Variants in PHAX observed in about 807,000 individuals in gnomAD.
PHAX encodes phosphorylated adapter RNA export protein.
PHAX carries 31 observed loss-of-function variants against 41.6 expected under a neutral mutation model. The ratio of observed to expected loss-of-function variants is 0.75; its 90% CI spans 0.56 to 1.01. The LOEUF (loss-of-function observed/expected upper bound fraction) is 1.01, where lower values mean the gene tolerates loss of function less well. PHAX is among the 50% of genes least tolerant of loss of function. The probability of loss-of-function intolerance (pLI) is 0.00; values close to 1 mark genes in which losing one functional copy is unlikely to be tolerated. For synonymous variants in PHAX, 175 were observed against 164.9 expected, an observed-to-expected ratio of 1.06 and a Z score of -0.47; for missense variants, 453 against 472.9, an observed-to-expected ratio of 0.96 and a Z score of 0.39.
chr5:126,608,544 TACAAATTTAAC>T, intron 3 of PHAX, 60 bp downstream of exon 3: 1 of 1,440,884 alleles, frequency 6.9e-7, no homozygotes. Flanking sequence ...TGTTTTTGAT[TACAAATTTAAC>T]TTTGCCCTTG....
intron 2 of PHAX, among the ~76,000 whole-genome samples, chr5:126,607,068 A>T (rs1752001124): frequency 6.6e-6 from 1 of 152,224 alleles, no homozygotes; most frequent in Non-Finnish European, 1.5e-5. Context: ...CATTTTCATT[A>T]GCTCTAAATT....
chr5:126,619,957 G>A (rs1365690017), intron 4 of PHAX, among the ~76,000 whole-genome samples: 1 of 152,128 alleles, frequency 6.6e-6, no homozygotes, highest in Non-Finnish European at 1.5e-5. Context: ...TGATAACAAT[G>A]GTGATAAAGG....
intron 1 of PHAX, among the ~76,000 whole-genome samples, chr5:126,601,706 G>A (rs928923071): frequency 6.6e-6 from 1 of 152,134 alleles, no homozygotes; most frequent in Non-Finnish European, 1.5e-5. Context: ...TCACGCTGTT[G>A]CCCAGGCTGG....
intron 3 of PHAX, among the ~76,000 whole-genome samples, chr5:126,610,973 C>G (rs1160171406): frequency 2.0e-5 from 3 of 151,836 alleles, no homozygotes; most frequent in Non-Finnish European, 4.4e-5. Context: ...TCCCAAAGTA[C>G]TGGGATTACA....
chr5:126,617,486 T>C (rs1752203713), intron 4 of PHAX, among the ~76,000 whole-genome samples, 153 bp downstream of exon 4: 1 of 152,184 alleles, frequency 6.6e-6, no homozygotes, highest in Admixed American at 6.6e-5. Flanking sequence ...TTTATTTATT[T>C]ATTTATTTTT....
chr5:126,609,948 G>GCA, intron 3 of PHAX, among the ~76,000 whole-genome samples: 1 of 152,208 alleles, frequency 6.6e-6, no homozygotes, highest in African/African-American at 2.4e-5. Context: ...TGTTGCCTAG[G>GCA]CTGGTTGAGA....
intron 2 of PHAX, 68 bp downstream of exon 2, chr5:126,604,251 C>G: frequency 2.5e-6 from 3 of 1,199,958 alleles, no homozygotes. Flanking sequence ...AAAATGAATG[C>G]CAAATACTTT....
chr5:126,619,569 C>CT (rs1175231707), intron 4 of PHAX, among the ~76,000 whole-genome samples: 1 of 139,968 alleles, frequency 7.1e-6, no homozygotes, highest in African/African-American at 2.8e-5. Context: ...GAACAAGACT[C>CT]TGTCTTTAAA....
chr5:126,627,011 T>C lies in PHAX; in HGVS notation c.*2167T>C, dbSNP rs1268987259. The stretch of plus-strand genomic sequence containing the variant: ...TAGTTTAGACATTCCAAGAGTTAAC[T>C]ATAGTTTACAAAAATATATTAAGCA... On this transcript the variant is annotated 3_prime_UTR_variant, in exon 5 of 5. Coordinates refer to ENST00000297540, the MANE Select transcript of PHAX (RefSeq NM_032177.4). The C allele has an allele frequency of 1.3e-5, 2 of 152,348 alleles. No individual in the cohort carries two copies. Among genetic ancestry groups the C allele is most frequent in the Admixed American group, 6.5e-5 (1 of 15,288 alleles). The allele number at this position is 152,348 out of a possible 1,614,324, so 9.4% of individuals were successfully genotyped here. A position where few individuals can be genotyped will look rare whatever the true frequency, so the allele number is the denominator to read the frequency against.
chr5:126,613,181 T>A (rs1752132288), intron 3 of PHAX, among the ~76,000 whole-genome samples: 1 of 152,124 alleles, frequency 6.6e-6, no homozygotes, highest in African/African-American at 2.4e-5. Flanking sequence ...AAACCCCGTC[T>A]CTGCTAAAAA....
At chr5:126,605,074 G>T (rs1751968611) in intron 2 of PHAX, among the ~76,000 whole-genome samples, 1 of 151,878 alleles carries the variant, frequency 6.6e-6, no homozygotes, top group East Asian at 1.9e-4. Flanking sequence ...TGTTGCCCAG[G>T]CTGGTGTCAA....
chr5:126,608,613 T>A, intron 3 of PHAX, 129 bp downstream of exon 3: 1 of 720,250 alleles, frequency 1.4e-6, no homozygotes, highest in Non-Finnish European at 2.3e-6. Context: ...TTGAAGTTTT[T>A]AAACTATTAT....
intron 3 of PHAX, among the ~76,000 whole-genome samples, chr5:126,611,372 G>T (rs1032886613): frequency 3.9e-5 from 6 of 152,112 alleles, no homozygotes; most frequent in African/African-American, 1.4e-4. Flanking sequence ...TACTTTCTTT[G>T]GATACATTAT....
At chr5:126,606,535 A>G (rs1052163968) in intron 2 of PHAX, among the ~76,000 whole-genome samples, 3 of 152,230 alleles carry the variant, frequency 2.0e-5, no homozygotes, top group Non-Finnish European at 4.4e-5. Flanking sequence ...ATACATTTTT[A>G]TAGTGTGTGT....
chr5:126,610,679 G>A (rs986590087), intron 3 of PHAX, among the ~76,000 whole-genome samples: 3 of 152,108 alleles, frequency 2.0e-5, no homozygotes, highest in South Asian at 2.1e-4. Flanking sequence ...CTGAATATTG[G>A]GAAGATGCAA....
chr5:126,615,745 C>T (rs1189057607), intron 3 of PHAX, among the ~76,000 whole-genome samples: 2 of 152,072 alleles, frequency 1.3e-5, no homozygotes, highest in Admixed American at 6.6e-5. Context: ...AACCAAGATA[C>T]ATACAAGGTT....
chr5:126,619,333 T>G (rs927269743), intron 4 of PHAX, among the ~76,000 whole-genome samples: 1 of 152,018 alleles, frequency 6.6e-6, no homozygotes, highest in Non-Finnish European at 1.5e-5. Context: ...ATTCCAGCAT[T>G]TTGGGAGGCC....
rs1273119001 is a variant in PHAX, at chr5:126,626,936, A to G, written c.*2092A>G. 6.6e-6 allele frequency: 1 copy of G among 152,188 alleles called. No individual in the cohort carries two copies. Among genetic ancestry groups the G allele is most frequent in the African/African-American group, 2.4e-5 (1 of 41,460 alleles). 9.4% of individuals were successfully genotyped at this position (152,188 alleles called of 1,614,324 possible). On this transcript the variant is annotated 3_prime_UTR_variant, in exon 5 of 5. Coordinates refer to ENST00000297540, the MANE Select transcript of PHAX (RefSeq NM_032177.4). ...AAAAATAATAATAGTAAAATGTTAC[A>G]TGTGCATGAAGTTTTAAATTACTCA...
intron 3 of PHAX, among the ~76,000 whole-genome samples, chr5:126,609,815 C>T (rs1239948912): frequency 6.6e-6 from 1 of 152,092 alleles, no homozygotes; most frequent in African/African-American, 2.4e-5. Flanking sequence ...TCTCAGCTCA[C>T]TGAAACCTCC....
Sources: allele counts gnomAD v4.1 joint callset (sites outside exome capture counted in the v4.1 genomes callset), GRCh38; gene constraint gnomAD v4.1.1; transcripts MANE v1.5; gene names NCBI Gene and HGNC (gene_info 2026-07-23, HGNC 2026-07-21).